The following DIS3L2 variants were observed in gnomAD, a reference collection of about 807,000 sequenced individuals.
DIS3L2 encodes the protein DIS3 like 3'-5' exoribonuclease 2.
DIS3L2 carries 34 observed loss-of-function variants against 97.5 expected under a neutral mutation model. The ratio of observed to expected loss-of-function variants is 0.35; its 90% CI spans 0.27 to 0.46. DIS3L2 has a LOEUF of 0.46. Among genes scored for constraint, DIS3L2 ranks in the 20% least tolerant of loss-of-function variants. DIS3L2 has a pLI of 1.00. For missense variants in DIS3L2, 1,038 were observed against 1,146.0 expected (o/e 0.91, Z 1.36); for synonymous variants, 435 against 445.2 (o/e 0.98, Z 0.29).
At chr2:232,016,531 G>A (rs1264014616) in intron 3 of DIS3L2, among the ~76,000 whole-genome samples, 2 of 152,176 alleles carry the variant, frequency 1.3e-5, no homozygotes, top group Non-Finnish European at 2.9e-5. Context: ...GACCCTCGTG[G>A]TAGGTATTGA....
intron 10 of DIS3L2, among the ~76,000 whole-genome samples, chr2:232,221,911 C>T (rs1463008338): frequency 6.6e-6 from 1 of 150,950 alleles, no homozygotes; most frequent in East Asian, 1.9e-4. Flanking sequence ...GCTGTTACTC[C>T]TATGTTCCTC....
chr2:232,031,492 G>C (rs1326286353), intron 5 of DIS3L2, among the ~76,000 whole-genome samples: 1 of 146,130 alleles, frequency 6.8e-6, no homozygotes, highest in Non-Finnish European at 1.5e-5. Flanking sequence ...GAAGTGCAGG[G>C]TTTCTTTTTT....
At chr2:232,246,194 G>GA (rs1693242596) in intron 11 of DIS3L2, among the ~76,000 whole-genome samples, 1 of 152,304 alleles carries the variant, frequency 6.6e-6, no homozygotes, top group East Asian at 1.9e-4. Flanking sequence ...AATCCTCTTT[G>GA]AAAGAACAGG....
At chr2:232,012,261 AC>A (rs1247713775) in intron 1 of DIS3L2, among the ~76,000 whole-genome samples, 1 of 152,208 alleles carries the variant, frequency 6.6e-6, no homozygotes, top group Non-Finnish European at 1.5e-5. Flanking sequence ...TGCCAGAGTT[AC>A]AATGACAAAC....
Position 232,335,849 on chromosome 2 carries a change from A to C in DIS3L2, c.2471A>C (p.Asp824Ala), listed in dbSNP as rs1402286753. The C allele has an allele frequency of 6.4e-7, 1 of 1,550,816 alleles. No individual in the cohort carries two copies. Among genetic ancestry groups the C allele is most frequent in the East Asian group, 2.4e-5 (1 of 40,934 alleles). ...PELTLVWEPE[D>A]MEQEPAQQVI... is the part of the protein sequence containing the mutation. The stretch of plus-strand genomic sequence containing the variant: ...CTCACGCTGGTCTGGGAGCCTGAGG[A>C]CATGGAGCAGGAGCCAGCACAGCAG... Residue 824 changes from aspartate (D) to alanine (A), a missense_variant, in exon 20 of 21, where the codon GAC becomes GCC. By Grantham distance (126) the Asp-to-Ala change is moderately radical. Around this residue, in one of 3 missense-constraint regions of DIS3L2, gnomAD observed 221 missense variants for 246.9 expected, o/e 0.90. Transcript: ENST00000325385.
chr2:232,133,437 A>G (rs1698272941), intron 7 of DIS3L2, among the ~76,000 whole-genome samples: 1 of 152,208 alleles, frequency 6.6e-6, no homozygotes, highest in South Asian at 2.1e-4. Context: ...CTTCTAAAAT[A>G]AAAGATTTAA....
At chr2:232,261,247 T>C (rs1486759198) in intron 12 of DIS3L2, among the ~76,000 whole-genome samples, 1 of 152,162 alleles carries the variant, frequency 6.6e-6, no homozygotes, top group Non-Finnish European at 1.5e-5. Flanking sequence ...GCTTCCTCTG[T>C]CCAGGATGGA....
At chr2:232,055,597 G>A (rs776663553) in intron 5 of DIS3L2, among the ~76,000 whole-genome samples, 6 of 152,130 alleles carry the variant, frequency 3.9e-5, no homozygotes, top group Non-Finnish European at 7.4e-5. Flanking sequence ...TCCAGCAATC[G>A]TTGTTGTGTG....
intron 14 of DIS3L2, among the ~76,000 whole-genome samples, chr2:232,316,549 C>G (rs75257974): frequency 0.011 from 1,710 of 152,202 alleles, 31 homozygotes; most frequent in African/African-American, 0.038. Context: ...GTGAGGAAGC[C>G]GAGGCAAGCT....
At chr2:232,088,912 A>G (rs1012686017) in intron 6 of DIS3L2, among the ~76,000 whole-genome samples, 5 of 152,146 alleles carry the variant, frequency 3.3e-5, no homozygotes, top group African/African-American at 1.2e-4. Flanking sequence ...AAACCGACCA[A>G]CTCTGACCTG....
chr2:232,070,351 TTTG>T (rs201826115), intron 5 of DIS3L2, among the ~76,000 whole-genome samples: 1,845 of 152,238 alleles, frequency 0.012, 26 homozygotes, highest in African/African-American at 0.033. Flanking sequence ...TTTTTGTTTG[TTTG>T]TTTTTTTCCT....
intron 13 of DIS3L2, among the ~76,000 whole-genome samples, chr2:232,275,238 G>A (rs997765788): frequency 1.3e-5 from 2 of 152,270 alleles, no homozygotes; most frequent in Non-Finnish European, 2.9e-5. Flanking sequence ...GCTTTCATTC[G>A]TTTTGTTTTG....
At chr2:232,204,351 G>T (rs1162743031) in intron 9 of DIS3L2, among the ~76,000 whole-genome samples, 1 of 152,174 alleles carries the variant, frequency 6.6e-6, no homozygotes, top group Non-Finnish European at 1.5e-5. Context: ...GGTTCTTGGC[G>T]AGGTTTTAAG....
intron 6 of DIS3L2, among the ~76,000 whole-genome samples, chr2:232,110,400 T>C (rs1439032681): frequency 6.6e-6 from 1 of 152,176 alleles, no homozygotes; most frequent in Non-Finnish European, 1.5e-5. Context: ...ATGCGTATGT[T>C]CATTGGAGCA....
At chr2:232,094,310 T>C (rs530448448) in intron 6 of DIS3L2, among the ~76,000 whole-genome samples, 16 of 152,142 alleles carry the variant, frequency 1.1e-4, no homozygotes, top group Non-Finnish European at 1.9e-4. Flanking sequence ...GGATGAAGTA[T>C]TCTGTAAATA....
chr2:232,249,503 C>T (rs530056574), intron 12 of DIS3L2, among the ~76,000 whole-genome samples, 157 bp downstream of exon 12: 1 of 152,340 alleles, frequency 6.6e-6, no homozygotes, highest in South Asian at 2.1e-4. Flanking sequence ...GTCCCTGCCT[C>T]GGAAGAGCCG....
intron 5 of DIS3L2, among the ~76,000 whole-genome samples, chr2:232,066,754 T>C (rs925725041): frequency 2.0e-5 from 3 of 152,004 alleles, no homozygotes; most frequent in Admixed American, 2.0e-4. Flanking sequence ...TGATATAGAG[T>C]GTGATGGTTT....
In DIS3L2 at chr2:232,032,384, G is replaced by A. The variant is rs774398017; in HGVS notation, c.366+2304G>A. 1.8e-4 allele frequency among the ~76,000 whole-genome samples: 28 copies of A among 152,258 alleles called. 1 individual carries two copies. Among genetic ancestry groups the A allele is most frequent in the South Asian group, 1.7e-3 (8 of 4,834 alleles). ...TCTTGTAAATTTGTTTAAGTTCCTT[G>A]TAGATTCTGGATATTATCCCTTTGT... On this transcript the variant is annotated intron_variant, in intron 5 of 20. Coordinates refer to ENST00000325385, the MANE Select transcript of DIS3L2 (RefSeq NM_152383.5).
chr2:232,146,255 A>G (rs1032774325), intron 8 of DIS3L2, among the ~76,000 whole-genome samples: 2 of 152,192 alleles, frequency 1.3e-5, no homozygotes, highest in Non-Finnish European at 2.9e-5. Context: ...TATGATGCCA[A>G]CAGTACTAAG....
Sources: gnomAD v4.1 joint callset for allele counts (sites outside exome capture counted in the v4.1 genomes callset) on GRCh38, gnomAD v4.1.1 for gene constraint, gnomAD v4.1.1 regional missense constraint, MANE v1.5 for transcripts, NCBI Gene and HGNC (gene_info 2026-07-23, HGNC 2026-07-21) for gene names.